SLIT3: variants seen among roughly 807,000 people sequenced by gnomAD.
SLIT3 encodes slit homolog 3 protein.
SLIT3 carries 68 observed loss-of-function variants against 184.0 expected under a neutral mutation model. The ratio of observed to expected loss-of-function variants is 0.37; its 90% CI spans 0.30 to 0.45. The LOEUF (loss-of-function observed/expected upper bound fraction) is 0.45, where lower values mean the gene tolerates loss of function less well. Among genes scored for constraint, SLIT3 ranks in the 20% least tolerant of loss-of-function variants. The pLI is 1.00. For missense variants in SLIT3, 1,707 were observed against 2,026.0 expected, an observed-to-expected ratio of 0.84 and a Z score of 3.02; for synonymous variants, 831 against 828.6, an observed-to-expected ratio of 1.00 and a Z score of -0.05.
chr5:169,239,558 C>T (rs1441920151), intron 3 of SLIT3, among the ~76,000 whole-genome samples: 3 of 151,982 alleles, frequency 2.0e-5, no homozygotes, highest in Non-Finnish European at 4.4e-5. Context: ...TCTTTAAAAT[C>T]ATTAAGATAA....
intron 25 of SLIT3, chr5:168,710,079 TA>T (rs1196148292): frequency 6.6e-6 from 1 of 152,096 alleles, no homozygotes; most frequent in Non-Finnish European, 1.5e-5. Flanking sequence ...GTGTCAATGG[TA>T]AGACAAAAAA....
intron 20 of SLIT3, among the ~76,000 whole-genome samples, chr5:168,739,472 G>C (rs1205601759): frequency 1.3e-5 from 2 of 150,604 alleles, no homozygotes; most frequent in Non-Finnish European, 3.0e-5. Context: ...ACCCAGGCTG[G>C]AGTGCAACGG....
chr5:169,002,781 A>G lies in SLIT3; in HGVS notation c.414-119445T>C, dbSNP rs533226327. On this transcript the variant is annotated intron_variant, in intron 4 of 35. Transcript: ENST00000519560. ...TCTCACTATTAGCTAATTTTGCCAT[A>G]GAGGCACAAAACTTGTACTACTGTT... Among the ~76,000 whole-genome samples the G allele has an allele frequency of 2.6e-5, 4 of 152,364 alleles. No individual in the cohort carries two copies. In the South Asian group the frequency reaches 6.2e-4, roughly 24 times the overall value.
chr5:168,730,442 A>G (rs1214832976), intron 20 of SLIT3, among the ~76,000 whole-genome samples: 1 of 152,106 alleles, frequency 6.6e-6, no homozygotes, highest in Non-Finnish European at 1.5e-5. Context: ...TCACCAGCAC[A>G]TGGAACATTC....
rs1761670142 is a variant in SLIT3 at position 168,684,018 on chromosome 5, G to A, written c.3634C>T (p.His1212Tyr). The change falls in exon 32 of 36, where the codon CAC (histidine) becomes TAC (tyrosine). Residue 1212 changes from histidine to tyrosine, a missense_variant. Transcript: ENST00000519560. ...DPLALELYQGHVRLVYDSLSS... is the reference protein window; with the variant it reads ...DPLALELYQGYVRLVYDSLSS... ...AGGCTGTCATAGACCAGCCGCACGT[G>A]GCCCTGGTACAGCTCCAGTGCCAGG... The A allele has an allele frequency of 6.2e-7, 1 of 1,606,574 alleles. No homozygotes were observed. The highest frequency in any genetic ancestry group is 8.5e-7 in the Non-Finnish European group (1 of 1,176,128).
chr5:169,174,105 AG>A (rs1762896784), intron 4 of SLIT3, among the ~76,000 whole-genome samples: 1 of 152,220 alleles, frequency 6.6e-6, no homozygotes, highest in Non-Finnish European at 1.5e-5. Context: ...CACACCTGAA[AG>A]AAGCTGCAAG....
chr5:168,948,313 C>A (rs1009282575), intron 4 of SLIT3, among the ~76,000 whole-genome samples: 13 of 152,130 alleles, frequency 8.5e-5, no homozygotes, highest in Middle Eastern at 3.2e-3. Context: ...CAAACGGGGG[C>A]TGTGGATTTT....
chr5:168,997,775 C>G (rs946954670), intron 4 of SLIT3, among the ~76,000 whole-genome samples: 1 of 152,120 alleles, frequency 6.6e-6, no homozygotes, highest in African/African-American at 2.4e-5. Context: ...CATTTCCAAC[C>G]AGCCTATGAC....
In SLIT3 at chr5:168,749,848, G is replaced by T. The variant is rs188780685; in HGVS notation, c.1974-213C>A. Among the ~76,000 whole-genome samples the T allele has an allele frequency of 3.9e-5, 6 of 152,180 alleles. No homozygotes were observed. In the East Asian group the frequency reaches 7.7e-4, roughly 20 times the overall value. ...TGGTGTCTCGCCATGCCCTCCCTTG[G>T]GTACCAAGCCCTGGCTGTGTGAACT... On this transcript the variant is annotated intron_variant, in intron 18 of 35. Transcript: ENST00000519560.
At chr5:168,965,914 G>A (rs548067758) in intron 4 of SLIT3, among the ~76,000 whole-genome samples, 2 of 152,324 alleles carry the variant, frequency 1.3e-5, no homozygotes, top group South Asian at 4.1e-4. Context: ...AACAAGATCT[G>A]CTTTCTAAGC....
At chr5:169,275,061 A>G (rs1766756480) in intron 1 of SLIT3, among the ~76,000 whole-genome samples, 1 of 152,196 alleles carries the variant, frequency 6.6e-6, no homozygotes, top group African/African-American at 2.4e-5. Flanking sequence ...CTGGGCTGAG[A>G]TTTTTCAAGC....
chr5:168,772,980 C>A (rs373292689), intron 13 of SLIT3, 36 bp from the exon 14 acceptor site: 10 of 1,551,180 alleles, frequency 6.4e-6, no homozygotes, highest in Middle Eastern at 1.7e-4. Context: ...CAGGAGTGAC[C>A]CACGGCGTCT....
intron 6 of SLIT3, among the ~76,000 whole-genome samples, chr5:168,834,521 G>A (rs969782011): frequency 2.6e-5 from 4 of 151,290 alleles, no homozygotes; most frequent in African/African-American, 4.8e-5. Flanking sequence ...GTGAAACCCC[G>A]TCTCTACTAA....
At chr5:168,845,741 C>A (rs1290284250) in intron 5 of SLIT3, among the ~76,000 whole-genome samples, 2 of 151,870 alleles carry the variant, frequency 1.3e-5, no homozygotes, top group African/African-American at 2.4e-5. Context: ...CCTTAAAAAA[C>A]CATAAAAAAC....
intron 3 of SLIT3, among the ~76,000 whole-genome samples, chr5:169,204,512 A>G (rs1157703036): frequency 3.3e-5 from 5 of 152,194 alleles, no homozygotes; most frequent in African/African-American, 1.2e-4. Flanking sequence ...TAAGAATGAC[A>G]TAGGAGCGAG....
At chr5:168,892,715 C>T (rs543277933) in intron 4 of SLIT3, among the ~76,000 whole-genome samples, 18 of 152,328 alleles carry the variant, frequency 1.2e-4, no homozygotes, top group Admixed American at 3.3e-4. Flanking sequence ...CCAGTCCAAA[C>T]GGAAGCTTTC....
intron 5 of SLIT3, among the ~76,000 whole-genome samples, chr5:168,865,808 T>C (rs762722508): frequency 2.0e-4 from 30 of 152,214 alleles, no homozygotes; most frequent in Non-Finnish European, 4.0e-4. Flanking sequence ...CCCATGCAAA[T>C]ATATACATAT....
At chr5:169,228,179 T>C (rs2113545885) in intron 3 of SLIT3, among the ~76,000 whole-genome samples, 1 of 152,298 alleles carries the variant, frequency 6.6e-6, no homozygotes, top group Admixed American at 6.5e-5. Flanking sequence ...CACATATATT[T>C]AATTGCATTT....
intron 4 of SLIT3, among the ~76,000 whole-genome samples, chr5:169,188,939 G>C (rs767031288): frequency 1.3e-5 from 2 of 152,144 alleles, no homozygotes; most frequent in Non-Finnish European, 2.9e-5. Flanking sequence ...GTCAGGTGCT[G>C]CAAGAGCCTA....
Sources: allele counts gnomAD v4.1 joint callset (sites outside exome capture counted in the v4.1 genomes callset), GRCh38; gene constraint gnomAD v4.1.1; transcripts MANE v1.5; gene names NCBI Gene and HGNC (gene_info 2026-07-23, HGNC 2026-07-21).